TMTC2: variants seen among roughly 807,000 people sequenced by gnomAD.
The protein encoded by TMTC2 is protein O-mannosyl-transferase TMTC2.
Under a neutral mutation model 82.4 loss-of-function variants are expected in TMTC2, and 43 were observed. The observed-to-expected ratio is 0.52, with a 90% CI of 0.41 to 0.67. The LOEUF (loss-of-function observed/expected upper bound fraction) is 0.67. TMTC2 is among the 30% of genes least tolerant of loss of function. TMTC2 has a pLI of 0.00. For missense variants in TMTC2, 919 were observed against 1,012.4 expected (o/e 0.91, Z 1.25); for synonymous variants, 408 against 381.9 (o/e 1.07, Z -0.80).
At chr12:82,752,142 A>C (rs2136967249) in intron 1 of TMTC2, among the ~76,000 whole-genome samples, 1 of 117,942 alleles carries the variant, frequency 8.5e-6, no homozygotes, top group Non-Finnish European at 1.7e-5. Flanking sequence ...ATTTATTGGA[A>C]GCTCCTTTTT....
At chr12:83,100,788 T>TCCA (rs1884192134) in intron 11 of TMTC2, among the ~76,000 whole-genome samples, 2 of 152,174 alleles carry the variant, frequency 1.3e-5, no homozygotes, top group Non-Finnish European at 2.9e-5. Context: ...TAACAAATAC[T>TCCA]AAAAAAACTG....
At chr12:82,930,396 T>C (rs1204681066) in intron 3 of TMTC2, 35 bp from the exon 4 acceptor site, 1 of 1,280,668 alleles carries the variant, frequency 7.8e-7, no homozygotes, top group Non-Finnish European at 1.1e-6. Flanking sequence ...ATTGGATTGA[T>C]GCTCAGTCTG....
intron 1 of TMTC2, among the ~76,000 whole-genome samples, chr12:82,706,778 A>G (rs1333075654): frequency 6.6e-6 from 1 of 152,156 alleles, no homozygotes; most frequent in Non-Finnish European, 1.5e-5. Context: ...CTATTCTCAG[A>G]TTTCTGTTGG....
At chr12:82,965,977 G>C (rs995697610) in intron 6 of TMTC2, 1 of 541,656 alleles carries the variant, frequency 1.8e-6, no homozygotes, top group African/African-American at 1.9e-5. Context: ...TCTTTCCTGT[G>C]AGTTTCTCAG....
At chr12:83,077,765 G>A (rs954108852) in intron 11 of TMTC2, among the ~76,000 whole-genome samples, 3 of 151,748 alleles carry the variant, frequency 2.0e-5, no homozygotes, top group African/African-American at 7.3e-5. Flanking sequence ...AGTAGAGACA[G>A]GGTTTCACCA....
At chr12:83,088,127 A>G (rs1317953908) in intron 11 of TMTC2, among the ~76,000 whole-genome samples, 2 of 152,180 alleles carry the variant, frequency 1.3e-5, no homozygotes, top group African/African-American at 4.8e-5. Context: ...TTTTTATATT[A>G]TAGAGATGAA....
At chr12:82,996,373 G>A (rs1208071891) in intron 8 of TMTC2, among the ~76,000 whole-genome samples, 1 of 152,158 alleles carries the variant, frequency 6.6e-6, no homozygotes, top group Non-Finnish European at 1.5e-5. Context: ...GTAGAATGTT[G>A]GATTGAAGCC....
chr12:82,997,206 CCT>C (rs202229293), intron 8 of TMTC2, among the ~76,000 whole-genome samples: 4 of 117,858 alleles, frequency 3.4e-5, no homozygotes, highest in Non-Finnish European at 5.0e-5. Flanking sequence ...TCCCCCTCTC[CCT>C]CTCTCTCTCT....
At chr12:83,006,364 G>T (rs2137377705) in intron 8 of TMTC2, among the ~76,000 whole-genome samples, 1 of 152,196 alleles carries the variant, frequency 6.6e-6, no homozygotes, top group East Asian at 1.9e-4. Flanking sequence ...TGTCTACTTG[G>T]CCCTCTTTTC....
At chr12:83,104,503 C>G (rs535579433) in intron 11 of TMTC2, among the ~76,000 whole-genome samples, 9 of 152,282 alleles carry the variant, frequency 5.9e-5, no homozygotes, top group African/African-American at 2.2e-4. Context: ...TGGAAGCTGC[C>G]AAAACTTACA....
intron 1 of TMTC2, among the ~76,000 whole-genome samples, chr12:82,851,583 T>G (rs1211557039): frequency 2.0e-5 from 3 of 152,230 alleles, no homozygotes; most frequent in African/African-American, 4.8e-5. Flanking sequence ...CTGTGTCTGC[T>G]GTCTCACAAC....
intron 1 of TMTC2, among the ~76,000 whole-genome samples, chr12:82,757,487 G>T (rs764241831): frequency 4.6e-5 from 7 of 152,130 alleles, no homozygotes; most frequent in Non-Finnish European, 7.4e-5. Flanking sequence ...TGAGTTCATT[G>T]AAGAGCAATC....
In TMTC2 at chr12:82,706,854, C is replaced by T. The variant is rs117698239; in HGVS notation, c.83+19185C>T. Among the ~76,000 whole-genome samples, 268 of 152,212 alleles carry T rather than the reference C, an allele frequency of 1.8e-3. 6 individuals are homozygous for T. The highest frequency in any genetic ancestry group is 0.012 in the East Asian group (63 of 5,178). On this transcript the variant is annotated intron_variant, in intron 1 of 11. Coordinates refer to ENST00000321196, the MANE Select transcript of TMTC2 (RefSeq NM_152588.3). ...GGGTGAAGGGAGATGGAAAGACGTG[C>T]CTACTTTCCTTAATGAGTAAGAGGA... is the stretch of plus-strand genomic sequence containing the variant.
At chr12:82,815,232 T>C (rs1565762143) in intron 1 of TMTC2, among the ~76,000 whole-genome samples, 1 of 151,572 alleles carries the variant, frequency 6.6e-6, no homozygotes, top group Admixed American at 6.6e-5. Context: ...ATTGGCGCGA[T>C]CTTGGCTCAC....
At position 83,122,189 on chromosome 12, in the gene TMTC2, A is replaced by T. The variant is rs55707483; in HGVS notation, c.2332-10021A>T. ...CCAGCTATGAAAGCAAGTTTCGCCG[A>T]GTCTGTTTCCAGGCAGTGGGCAGGC... On this transcript the variant is annotated intron_variant, in intron 11 of 11. Coordinates refer to ENST00000321196, the MANE Select transcript of TMTC2 (RefSeq NM_152588.3). 7.3e-3 allele frequency among the ~76,000 whole-genome samples: 1,097 copies of T among 151,042 alleles called. 14 individuals carry two copies. Among genetic ancestry groups the T allele is most frequent in the African/African-American group, 0.025 (1,046 of 41,110 alleles).
At chr12:82,881,994 AT>A (rs869127384) in intron 2 of TMTC2, among the ~76,000 whole-genome samples, 3,301 of 107,258 alleles carry the variant, frequency 0.031, 14 homozygotes, top group Non-Finnish European at 0.039. Flanking sequence ...TGTTGTTAAG[AT>A]TTTTTTTTTT....
intron 1 of TMTC2, among the ~76,000 whole-genome samples, chr12:82,790,051 A>C (rs1878384003): frequency 6.6e-6 from 1 of 151,884 alleles, no homozygotes; most frequent in South Asian, 2.1e-4. Context: ...AAACAGAAAA[A>C]ATTAGCTGGG....
At chr12:82,807,504 G>A (rs977975885) in intron 1 of TMTC2, among the ~76,000 whole-genome samples, 5 of 152,036 alleles carry the variant, frequency 3.3e-5, no homozygotes, top group African/African-American at 9.7e-5. Context: ...GTGTCTTACT[G>A]CACCAAATAT....
At chr12:82,775,005 C>G (rs1039602035) in intron 1 of TMTC2, among the ~76,000 whole-genome samples, 3 of 152,002 alleles carry the variant, frequency 2.0e-5, no homozygotes, top group African/African-American at 7.2e-5. Context: ...TGCCATAGAT[C>G]AACTAATTGT....
Sources: gnomAD v4.1 joint callset for allele counts (sites outside exome capture counted in the v4.1 genomes callset) on GRCh38, gnomAD v4.1.1 for gene constraint, MANE v1.5 for transcripts, NCBI Gene and HGNC (gene_info 2026-07-23, HGNC 2026-07-21) for gene names.